Variants in PKD1L1 observed in about 807,000 individuals in gnomAD.
PKD1L1 encodes polycystin-1-like protein 1.
A neutral mutation model predicts 323.4 loss-of-function variants in PKD1L1; 236 were observed. The ratio of observed to expected loss-of-function variants is 0.73; its 90% CI spans 0.66 to 0.81. The LOEUF is 0.81. Ranked by LOEUF, PKD1L1 falls within the 40% of genes least tolerant of loss-of-function variation. PKD1L1 has a pLI of 0.00. For synonymous variants in PKD1L1, 1,344 were observed against 1,335.0 expected (o/e 1.01, Z -0.15); for missense variants, 3,320 against 3,508.0 (o/e 0.95, Z 1.35).
chr7:47,863,369 G>A (rs377598827), intron 26 of PKD1L1, among the ~76,000 whole-genome samples: 1 of 152,052 alleles, frequency 6.6e-6, no homozygotes, highest in African/African-American at 2.4e-5. Flanking sequence ...TTGGAGGTGT[G>A]GGTTGCAGAG....
chr7:47,877,553 A>G lies in PKD1L1; in HGVS notation c.3599T>C (p.Val1200Ala). The change falls in exon 22 of 57, where the codon GTG (valine) becomes GCG (alanine). Residue 1200 changes from valine (V) to alanine (A), a missense_variant. Transcript: ENST00000289672. The part of the protein sequence containing the change: ...NPAPRDMACQ[V>A]QPHHGLEAHT... Reference sequence around the variant, plus strand: ...TGCTTCCAGACCATGGTGGGGCTGCACCTGACAGGCCATGTCCCGAGGAGC... The same window carrying G: ...TGCTTCCAGACCATGGTGGGGCTGCGCCTGACAGGCCATGTCCCGAGGAGC... 1 of 1,614,002 alleles carries G rather than the reference A, an allele frequency of 6.2e-7. No individual in the cohort carries two copies. The highest frequency in any genetic ancestry group is 1.1e-5 in the South Asian group (1 of 91,076).
chr7:47,880,933 A>G (rs1436101067), intron 20 of PKD1L1, 128 bp from the exon 21 acceptor site: 6 of 572,372 alleles, frequency 1.0e-5, no homozygotes, highest in Non-Finnish European at 1.2e-5. Flanking sequence ...CTAGTGAAAC[A>G]TGCCACTCCT....
rs1787661792 is a variant in PKD1L1, at chr7:47,926,700, GAGA to G, written c.1060+2501_1060+2503del. Reference sequence around the variant, plus strand: ...AGCAAAAATGGCAAGAATAACACTAGAGAAGATGAGTGACAAGGGAAGCCAGCA... The same window carrying G: ...AGCAAAAATGGCAAGAATAACACTAGAGATGAGTGACAAGGGAAGCCAGCA... On this transcript the variant is annotated intron_variant, in intron 7 of 56. Coordinates refer to ENST00000289672, the MANE Select transcript of PKD1L1 (RefSeq NM_138295.5). 2.0e-5 allele frequency among the ~76,000 whole-genome samples: 3 copies of G among 152,300 alleles called. No homozygotes were observed. The South Asian group carries it at 6.2e-4, about 32-fold the overall frequency.
At chr7:47,781,853 G>A (rs1028056770) in intron 56 of PKD1L1, among the ~76,000 whole-genome samples, 2 of 152,056 alleles carry the variant, frequency 1.3e-5, no homozygotes, top group Non-Finnish European at 2.9e-5. Context: ...TGAGGTATAG[G>A]TACAAGTTCT....
intron 54 of PKD1L1, among the ~76,000 whole-genome samples, chr7:47,797,972 TTCTAGGA>T (rs1784578724): frequency 6.6e-6 from 1 of 152,150 alleles, no homozygotes; most frequent in Non-Finnish European, 1.5e-5. Flanking sequence ...AAATACAGAA[TTCTAGGA>T]TCAAAAAAGC....
intron 14 of PKD1L1, among the ~76,000 whole-genome samples, chr7:47,896,635 T>C (rs1786942695): frequency 6.6e-6 from 1 of 152,078 alleles, no homozygotes; most frequent in South Asian, 2.1e-4. Context: ...CTTATTTATC[T>C]CCAAATCCCT....
At chr7:47,825,358 T>G (rs1785221269) in intron 45 of PKD1L1, among the ~76,000 whole-genome samples, 1 of 151,940 alleles carries the variant, frequency 6.6e-6, no homozygotes, top group South Asian at 2.1e-4. Context: ...GGTGAAACCC[T>G]GTCTCTACTA....
At chr7:47,940,440 T>C in intron 2 of PKD1L1, 123 bp from the exon 3 acceptor site, 2 of 947,996 alleles carry the variant, frequency 2.1e-6, no homozygotes, top group South Asian at 1.8e-5. Context: ...AACAACGGGC[T>C]GATCATGAAG....
chr7:47,844,951 A>T, intron 33 of PKD1L1, 44 bp downstream of exon 33: 1 of 1,531,452 alleles, frequency 6.5e-7, no homozygotes, highest in Non-Finnish European at 9.0e-7. Context: ...GAACAGTAAA[A>T]CAAATAAAGT....
intron 46 of PKD1L1, chr7:47,818,202 A>G (rs1381738731): frequency 2.2e-6 from 3 of 1,360,650 alleles, no homozygotes; most frequent in South Asian, 1.2e-5. Context: ...TAAGGTGAGC[A>G]GATACATCTC....
rs375044439 is a variant in PKD1L1, at chr7:47,869,993, C to G, written c.3897-3379G>C. On this transcript the variant is annotated intron_variant, in intron 24 of 56. Coordinates refer to ENST00000289672, the MANE Select transcript of PKD1L1 (RefSeq NM_138295.5). ...AAAACATACTCCTAAATATTATAAT[C>G]AATGGTTCAAAGAAGAAATTGCAAC... Among the ~76,000 whole-genome samples the G allele has an allele frequency of 2.1e-4, 32 of 152,012 alleles. No individual in the cohort carries two copies. The East Asian group carries it at 2.9e-3, about 14-fold the overall frequency.
chr7:47,917,512 T>G (rs1181043001), intron 7 of PKD1L1, among the ~76,000 whole-genome samples: 2 of 152,138 alleles, frequency 1.3e-5, no homozygotes, highest in Non-Finnish European at 2.9e-5. Context: ...AAAAGATCAT[T>G]GCCTAGGCAC....
intron 3 of PKD1L1, among the ~76,000 whole-genome samples, chr7:47,937,269 G>GAC (rs1562998744): frequency 4.5e-5 from 6 of 134,196 alleles, no homozygotes; most frequent in Non-Finnish European, 6.5e-5. Context: ...TGGGGGGGGG[G>GAC]GGCGCGGTGC....
chr7:47,933,914 G>A (rs780185674), intron 4 of PKD1L1, among the ~76,000 whole-genome samples: 13 of 152,090 alleles, frequency 8.5e-5, no homozygotes, highest in African/African-American at 2.9e-4. Flanking sequence ...GACATCTGCC[G>A]CCAGAAGCTC....
At chr7:47,937,778 G>A (rs934089169) in intron 3 of PKD1L1, among the ~76,000 whole-genome samples, 16 of 152,206 alleles carry the variant, frequency 1.1e-4, no homozygotes, top group Middle Eastern at 3.4e-3. Flanking sequence ...GGGCTTGCTC[G>A]GCCTGTGCAC....
chr7:47,788,340 A>C (rs903620618), intron 56 of PKD1L1, among the ~76,000 whole-genome samples: 2 of 150,224 alleles, frequency 1.3e-5, no homozygotes, highest in Middle Eastern at 3.5e-3. Context: ...CCCAGGCTGG[A>C]AATGCAGTGG....
chr7:47,924,055 C>T (rs1787610751), intron 7 of PKD1L1, among the ~76,000 whole-genome samples: 1 of 151,894 alleles, frequency 6.6e-6, no homozygotes, highest in African/African-American at 2.4e-5. Context: ...ATGTCGCAGC[C>T]TGATGGGTTC....
chr7:47,959,971 A>C, the PKD1L1 span, among the ~76,000 whole-genome samples: 4 of 152,010 alleles, frequency 2.6e-5, no homozygotes, highest in East Asian at 2.0e-4. Context: ...GATGGTTGCC[A>C]TGTCTGTGTA....
chr7:47,905,846 G>A lies in PKD1L1; in HGVS notation c.1519C>T (p.Gln507Ter). The A allele has an allele frequency of 6.2e-7, 1 of 1,611,982 alleles. No homozygotes were observed. Among genetic ancestry groups the A allele is most frequent in the Non-Finnish European group, 8.5e-7 (1 of 1,179,638 alleles). ...TGGAATTAAAACAAAGACATACATT[G>A]CATCTTATACCAGACAGTCATGCTG... ...WHSMTVWYKM[Q>*]SVSVYTNGTV... The change falls in exon 10 of 57, where the codon CAA (glutamine) becomes TAA (stop). Residue 507 changes from glutamine to a stop codon, truncating the protein, a stop_gained. Transcript: ENST00000289672. LOFTEE classifies it high-confidence loss of function.
Sources: allele counts gnomAD v4.1 joint callset (sites outside exome capture counted in the v4.1 genomes callset), GRCh38; gene constraint gnomAD v4.1.1; transcripts MANE v1.5; gene names NCBI Gene and HGNC (gene_info 2026-07-23, HGNC 2026-07-21).